The following ABCA13 variants were observed in gnomAD, a reference collection of about 807,000 sequenced individuals.
ABCA13 encodes the protein ATP-binding cassette sub-family A member 13.
In ABCA13, 476 loss-of-function variants were observed where a neutral mutation model predicts 478.7. The observed-to-expected ratio is 0.99, with a 90% confidence interval of 0.92 to 1.07. The LOEUF is 1.07. ABCA13 is among the 50% of genes least tolerant of loss of function. ABCA13 has a pLI of 0.00. For missense variants in ABCA13, 6,060 were observed against 5,910.6 expected (o/e 1.03, Z -0.83); for synonymous variants, 2,252 against 2,158.9 (o/e 1.04, Z -1.20).
intron 42 of ABCA13, among the ~76,000 whole-genome samples, chr7:48,451,900 G>GAT (rs1428860049): frequency 2.6e-5 from 4 of 152,166 alleles, no homozygotes; most frequent in Non-Finnish European, 5.9e-5. Flanking sequence ...GATGAAACTA[G>GAT]AGTCCTTGAA....
At chr7:48,229,462 G>A (rs1490724067) in intron 6 of ABCA13, among the ~76,000 whole-genome samples, 2 of 152,164 alleles carry the variant, frequency 1.3e-5, no homozygotes, top group East Asian at 3.9e-4. Flanking sequence ...TTCTAACATA[G>A]CAGCCCTTTG....
chr7:48,269,058 A>G lies in ABCA13; in HGVS notation c.2084A>G (p.Asn695Ser), dbSNP rs780632005. ...MISDNYFQFL[N>S]NLLKSPTASI... Reference sequence around the variant, plus strand: ...AGTGATAATTATTTTCAATTTTTGAATAACTTACTCAAGTCTCCAACAGCT... The same window carrying G: ...AGTGATAATTATTTTCAATTTTTGAGTAACTTACTCAAGTCTCCAACAGCT... Residue 695 changes from asparagine (N) to serine (S), a missense_variant, in exon 16 of 62, where the codon AAT becomes AGT. Physicochemically the swap from Asn to Ser is conservative, Grantham distance 46 (BLOSUM62 1). This residue lies in a region of ABCA13 where 4,423 missense variants were observed against 4,309.1 expected (regional missense o/e 1.03). Transcript: ENST00000435803. 4.4e-6 allele frequency: 7 copies of G among 1,597,760 alleles called. No homozygotes were observed. Among genetic ancestry groups the G allele is most frequent in the East Asian group, 2.2e-5 (1 of 44,624 alleles).
At chr7:48,321,407 C>T (rs1205418021) in intron 27 of ABCA13, among the ~76,000 whole-genome samples, 1 of 152,156 alleles carries the variant, frequency 6.6e-6, no homozygotes, top group Non-Finnish European at 1.5e-5. Context: ...GGCATCCTGG[C>T]TTCTCCTCTA....
intron 21 of ABCA13, among the ~76,000 whole-genome samples, chr7:48,296,141 C>T (rs1208329902): frequency 6.6e-6 from 1 of 152,140 alleles, no homozygotes; most frequent in Non-Finnish European, 1.5e-5. Context: ...CTGTAATCCC[C>T]TCTAATGGGA....
intron 3 of ABCA13, among the ~76,000 whole-genome samples, chr7:48,203,995 T>C (rs1475967567): frequency 6.6e-6 from 1 of 152,192 alleles, no homozygotes; most frequent in Non-Finnish European, 1.5e-5. Context: ...GAGAATCATC[T>C]GACCCTCTCT....
At chr7:48,411,042 T>TCTTC (rs1819043246) in intron 40 of ABCA13, among the ~76,000 whole-genome samples, 2 of 111,650 alleles carry the variant, frequency 1.8e-5, no homozygotes, top group African/African-American at 3.3e-5. Flanking sequence ...TTTCTTTCTT[T>TCTTC]CTTTCTTTTT....
chr7:48,509,156 A>G (rs1432811895), intron 50 of ABCA13, among the ~76,000 whole-genome samples: 1 of 152,148 alleles, frequency 6.6e-6, no homozygotes, highest in Non-Finnish European at 1.5e-5. Context: ...TGATTTATGA[A>G]TCTTAACCAA....
chr7:48,408,617 C>G (rs1288302943), intron 39 of ABCA13, among the ~76,000 whole-genome samples: 5 of 152,006 alleles, frequency 3.3e-5, no homozygotes, highest in African/African-American at 1.2e-4. Context: ...GGTGTCTCCT[C>G]TATTATTGTT....
intron 55 of ABCA13, among the ~76,000 whole-genome samples, chr7:48,541,311 C>T (rs576814921): frequency 5.3e-5 from 8 of 152,108 alleles, no homozygotes; most frequent in African/African-American, 1.7e-4. Flanking sequence ...TTGCTTGTTG[C>T]CTTATTGATG....
intron 23 of ABCA13, among the ~76,000 whole-genome samples, chr7:48,308,508 C>T (rs1032038914): frequency 6.6e-6 from 1 of 152,116 alleles, no homozygotes; most frequent in African/African-American, 2.4e-5. Context: ...GGGAGTGCAG[C>T]AGTTTTGTTT....
intron 52 of ABCA13, among the ~76,000 whole-genome samples, chr7:48,518,862 CATAG>C (rs1832322269): frequency 6.6e-6 from 1 of 151,918 alleles, no homozygotes; most frequent in Admixed American, 6.6e-5. Context: ...AGGTTTGTTC[CATAG>C]ATAAATGTGT....
At chr7:48,525,133 A>C (rs1288543382) in intron 54 of ABCA13, among the ~76,000 whole-genome samples, 2 of 152,200 alleles carry the variant, frequency 1.3e-5, no homozygotes, top group Non-Finnish European at 2.9e-5. Flanking sequence ...TAGGTGTCTC[A>C]GATATGTGTA....
intron 59 of ABCA13, among the ~76,000 whole-genome samples, chr7:48,639,712 C>T (rs888098500): frequency 2.0e-5 from 3 of 152,156 alleles, no homozygotes; most frequent in Non-Finnish European, 4.4e-5. Flanking sequence ...ACACATAATA[C>T]AAATATTACA....
chr7:48,577,813 A>G (rs1473189093), intron 55 of ABCA13, among the ~76,000 whole-genome samples: 1 of 152,142 alleles, frequency 6.6e-6, no homozygotes, highest in African/African-American at 2.4e-5. Context: ...ATGAATATAC[A>G]TGCAAAAATT....
At chr7:48,548,278 C>T (rs191606712) in intron 55 of ABCA13, among the ~76,000 whole-genome samples, 8 of 151,936 alleles carry the variant, frequency 5.3e-5, no homozygotes, top group East Asian at 3.9e-4. Flanking sequence ...TGTTTCATTA[C>T]GCAGTGGTAT....
chr7:48,224,602 T>C (rs1006013556), intron 5 of ABCA13, among the ~76,000 whole-genome samples: 14 of 152,302 alleles, frequency 9.2e-5, no homozygotes, highest in African/African-American at 3.1e-4. Flanking sequence ...ATGTTGTTTT[T>C]TTACCTTATT....
At chr7:48,486,762 G>A (rs1177375427) in intron 47 of ABCA13, among the ~76,000 whole-genome samples, 1 of 152,180 alleles carries the variant, frequency 6.6e-6, no homozygotes, top group Non-Finnish European at 1.5e-5. Context: ...TCTTGGCCAG[G>A]AATGAACATG....
At chr7:48,292,180 T>G (rs1460433884) in intron 20 of ABCA13, among the ~76,000 whole-genome samples, 1 of 152,158 alleles carries the variant, frequency 6.6e-6, no homozygotes, top group Admixed American at 6.5e-5. Flanking sequence ...GCCCCTCAAC[T>G]TTACTCATCT....
rs777311182 is a variant in ABCA13, at chr7:48,271,815, A to C, written c.2149A>C (p.Met717Leu). ...RALNFTKHLLMMEKKLHTLED... is the reference protein window; with the variant it reads ...RALNFTKHLLLMEKKLHTLED... The stretch of plus-strand genomic sequence containing the variant: ...TTTAAATTTCACAAAGCACCTTCTA[A>C]TGATGGAAAAGAAGTTGCACACCCT... The change falls in exon 17 of 62, where the codon ATG (methionine) becomes CTG (leucine). Residue 717 changes from methionine (M) to leucine (L), a missense_variant. Physicochemically the swap from Met to Leu is conservative, Grantham distance 15 (BLOSUM62 2). Around this residue, in one of 3 missense-constraint regions of ABCA13, gnomAD observed 4,423 missense variants for 4,309.1 expected, o/e 1.03. Transcript: ENST00000435803. 1.9e-6 allele frequency: 3 copies of C among 1,540,582 alleles called. No homozygotes were observed. The East Asian group carries it at 7.2e-5, about 37-fold the overall frequency.
Sources: allele counts gnomAD v4.1 joint callset (sites outside exome capture counted in the v4.1 genomes callset), GRCh38; gene constraint gnomAD v4.1.1; regional missense constraint gnomAD v4.1.1; transcripts MANE v1.5; gene names NCBI Gene and HGNC (gene_info 2026-07-23, HGNC 2026-07-21).